The following RRM2B variants were observed in gnomAD, a reference collection of about 807,000 sequenced individuals.
RRM2B encodes ribonucleoside-diphosphate reductase subunit M2 B.
In RRM2B, 20 loss-of-function variants were observed where a neutral mutation model predicts 45.9. The ratio of observed to expected loss-of-function variants is 0.44; its 90% CI spans 0.31 to 0.63. The LOEUF (loss-of-function observed/expected upper bound fraction) is 0.63, where lower values mean the gene tolerates loss of function less well. Among genes scored for constraint, RRM2B ranks in the 30% least tolerant of loss-of-function variants. The probability of loss-of-function intolerance (pLI) is 0.09; values close to 1 mark genes in which losing one functional copy is unlikely to be tolerated. For missense variants in RRM2B, 320 were observed against 414.7 expected (o/e 0.77, Z 1.98); for synonymous variants, 124 against 132.3 (o/e 0.94, Z 0.43).
At chr8:102,226,780 C>T (rs1810939868) in intron 2 of RRM2B, among the ~76,000 whole-genome samples, 1 of 152,178 alleles carries the variant, frequency 6.6e-6, no homozygotes, top group African/African-American at 2.4e-5. Context: ...GTGGCATGAT[C>T]TTGGCTCACT....
At chr8:102,227,765 A>AGGCC (rs1810958191) in intron 2 of RRM2B, among the ~76,000 whole-genome samples, 1 of 152,274 alleles carries the variant, frequency 6.6e-6, no homozygotes, top group South Asian at 2.1e-4. Context: ...TTATTGGTGA[A>AGGCC]GGCCCTCTTA....
chr8:102,206,458 G>C lies in RRM2B; in HGVS notation c.*1675C>G, dbSNP rs1478167055. 2 of 152,142 alleles carry C rather than the reference G, an allele frequency of 1.3e-5. No homozygotes were observed. Among genetic ancestry groups the C allele is most frequent in the Non-Finnish European group, 2.9e-5 (2 of 68,010 alleles). 9.4% of individuals were successfully genotyped at this position (152,142 alleles called of 1,614,324 possible). Reference sequence around the variant, plus strand: ...CAAAAGATCTCAAGTTTCTGACAGTGTATCTAACAAATAAAGTTATGGCCT... The same window carrying C: ...CAAAAGATCTCAAGTTTCTGACAGTCTATCTAACAAATAAAGTTATGGCCT... On this transcript the variant is annotated 3_prime_UTR_variant, in exon 9 of 9. Transcript: ENST00000251810.
Position 102,214,156 on chromosome 8 carries a change from T to A in RRM2B, c.687A>T (p.Gly229=). The change falls in exon 7 of 9, where the codon GGA becomes GGT. Residue 229 remains glycine (G), a splice_region_variant and synonymous_variant. Coordinates refer to ENST00000251810, the MANE Select transcript of RRM2B (RefSeq NM_015713.5). ...FSNELISRDE[G]LHCDFACLMF... ...TCAGGCAAGCAAAGTCACAGTGAAGTCCCTAAAAGGGAAGAAAAATGTCAT... is the reference window on the plus strand; with the variant it reads ...TCAGGCAAGCAAAGTCACAGTGAAGACCCTAAAAGGGAAGAAAAATGTCAT... The A allele has an allele frequency of 6.2e-7, 1 of 1,606,626 alleles. No individual in the cohort carries two copies. The highest frequency in any genetic ancestry group is 8.5e-7 in the Non-Finnish European group (1 of 1,173,616).
chr8:102,219,009 A>ATGTG, intron 5 of RRM2B, 62 bp from the exon 6 acceptor site: 1 of 1,465,662 alleles, frequency 6.8e-7, no homozygotes, highest in Non-Finnish European at 9.5e-7. Flanking sequence ...ATATATATAT[A>ATGTG]TACACATATA....
intron 5 of RRM2B, among the ~76,000 whole-genome samples, chr8:102,220,185 G>A (rs375586177): frequency 3.9e-5 from 6 of 152,266 alleles, no homozygotes; most frequent in South Asian, 4.2e-4. Flanking sequence ...GCTGCAGTGC[G>A]CTATGATCAC....
rs575109470 is a variant in RRM2B at position 102,218,852 on chromosome 8, C to T, written c.646G>A (p.Gly216Arg). The stretch of plus-strand genomic sequence containing the variant: ...ATGAGTTCATTGGAAAAAGTGAGTC[C>T]TGGCATAAGACCTCTCTTCTTTAGC... ...FWLKKRGLMP[G>R]LTFSNELISR... Residue 216 changes from glycine (G) to arginine (R), a missense_variant, in exon 6 of 9, where the codon GGA becomes AGA. Transcript: ENST00000251810. 1 of 1,613,856 alleles carries T rather than the reference C, an allele frequency of 6.2e-7. No individual in the cohort carries two copies. The highest frequency in any genetic ancestry group is 2.2e-5 in the East Asian group (1 of 44,880).
intron 7 of RRM2B, 87 bp from the exon 8 acceptor site, chr8:102,212,976 C>T (rs1354999353): frequency 1.3e-6 from 1 of 750,546 alleles, no homozygotes; most frequent in Non-Finnish European, 2.4e-6. Flanking sequence ...CGTTTTATTT[C>T]TAAGACTGAT....
chr8:102,234,591 C>T (rs1483867373), intron 1 of RRM2B: 2 of 152,186 alleles, frequency 1.3e-5, no homozygotes, highest in Non-Finnish European at 1.5e-5. Flanking sequence ...GTGGCTCACG[C>T]CTGTAATCCC....
At chr8:102,215,944 CAAAAAA>C (rs60059243) in intron 6 of RRM2B, among the ~76,000 whole-genome samples, 18 of 75,708 alleles carry the variant, frequency 2.4e-4, no homozygotes, top group Non-Finnish European at 2.6e-4. Context: ...GACCCTGTCT[CAAAAAA>C]AAAAAAAAAA....
chr8:102,226,155 A>T (rs1810928072), intron 2 of RRM2B, 121 bp from the exon 3 acceptor site: 1 of 703,926 alleles, frequency 1.4e-6, no homozygotes, highest in East Asian at 2.6e-5. Context: ...TGGAAAAAGA[A>T]AGATGTTAGC....
Position 102,207,886 on chromosome 8 carries a change from C to A in RRM2B, c.*247G>T, listed in dbSNP as rs886062568. On this transcript the variant is annotated 3_prime_UTR_variant, in exon 9 of 9. Coordinates refer to ENST00000251810, the MANE Select transcript of RRM2B (RefSeq NM_015713.5). ...AACCTTAGACTCATGTCTGACCCCT[C>A]GCCCCATGCTCTTAACCACATAATG... is the stretch of plus-strand genomic sequence containing the variant. The A allele has an allele frequency of 4.7e-6, 2 of 423,058 alleles. No homozygotes were observed. Among genetic ancestry groups the A allele is most frequent in the Non-Finnish European group, 8.6e-6 (2 of 231,310 alleles). The allele number at this position is 423,058 out of a possible 1,614,324, so 26.2% of individuals were successfully genotyped here. A position where few individuals can be genotyped will look rare whatever the true frequency, so the allele number is the denominator to read the frequency against.
At chr8:102,225,039 G>T in intron 3 of RRM2B, 21 bp from the exon 4 acceptor site, 1 of 1,613,396 alleles carries the variant, frequency 6.2e-7, no homozygotes, top group Non-Finnish European at 8.5e-7. Flanking sequence ...AAGGAAAATA[G>T]ATATATCCAG....
rs144605923 is a variant in RRM2B, at chr8:102,218,369, C to G, written c.684+445G>C. Among the ~76,000 whole-genome samples, 13 of 152,254 alleles carry G rather than the reference C, an allele frequency of 8.5e-5. No homozygotes were observed. The East Asian group carries it at 2.3e-3, about 27-fold the overall frequency. ...GTGTCTTAAAAGCAAGATGACGTGA[C>G]TTCCTATTTTAATTACCAGGATACT... On this transcript the variant is annotated intron_variant, in intron 6 of 8. Transcript: ENST00000251810.
At chr8:102,226,174 G>T (rs1296041383) in intron 2 of RRM2B, 140 bp from the exon 3 acceptor site, 2 of 609,182 alleles carry the variant, frequency 3.3e-6, no homozygotes, top group South Asian at 1.9e-5. Flanking sequence ...GCACTGCAAA[G>T]AAATAAAAAA....
At chr8:102,217,750 G>T (rs1052292607) in intron 6 of RRM2B, among the ~76,000 whole-genome samples, 1 of 151,898 alleles carries the variant, frequency 6.6e-6, no homozygotes, top group East Asian at 1.9e-4. Context: ...ATACATAAAG[G>T]AAAGAGTGGC....
At chr8:102,224,185 T>TA in intron 4 of RRM2B, 45 bp from the exon 5 acceptor site, 6 of 1,308,672 alleles carry the variant, frequency 4.6e-6, no homozygotes, top group South Asian at 1.2e-5. Flanking sequence ...CACTTGTTTT[T>TA]CTTTTTTTTT....
At position 102,225,955 on chromosome 8, in the gene RRM2B, A is replaced by G. The variant is rs1810924078; in HGVS notation, c.284T>C (p.Phe95Ser). ...EKYFISHILA[F>S]FAASDGIVNE... is the part of the protein sequence containing the mutation. ...TACAATTCCATCACTGGCTGCAAAA[A>G]AGGCTAAGATGTGAGAGATGAAGTA... is the stretch of plus-strand genomic sequence containing the variant. The change falls in exon 3 of 9, where the codon TTT becomes TCT. Residue 95 changes from phenylalanine to serine, a missense_variant. Phe to Ser is a radical substitution (Grantham distance 155). Coordinates refer to ENST00000251810, the MANE Select transcript of RRM2B (RefSeq NM_015713.5). 6.2e-7 allele frequency: 1 copy of G among 1,612,588 alleles called. No homozygotes were observed. Among genetic ancestry groups the G allele is most frequent in the African/African-American group, 1.3e-5 (1 of 75,012 alleles).
At chr8:102,213,506 C>T (rs981389313) in intron 7 of RRM2B, among the ~76,000 whole-genome samples, 1 of 152,128 alleles carries the variant, frequency 6.6e-6, no homozygotes, top group East Asian at 1.9e-4. Flanking sequence ...GCCTGTTAAA[C>T]TACGCAGTGT....
At chr8:102,215,526 GGT>G (rs1333602540) in intron 6 of RRM2B, among the ~76,000 whole-genome samples, 1 of 152,072 alleles carries the variant, frequency 6.6e-6, no homozygotes, top group Non-Finnish European at 1.5e-5. Flanking sequence ...CAATGGAATT[GGT>G]GTGTGTGTGT....
Sources: gnomAD v4.1 joint callset for allele counts (sites outside exome capture counted in the v4.1 genomes callset) on GRCh38, gnomAD v4.1.1 for gene constraint, MANE v1.5 for transcripts, NCBI Gene and HGNC (gene_info 2026-07-23, HGNC 2026-07-21) for gene names.